Variants in POC5 observed in about 807,000 individuals in gnomAD.
POC5 encodes the protein centrosomal protein POC5.
In POC5, 48 loss-of-function variants were observed where a neutral mutation model predicts 62.9. The observed-to-expected ratio is 0.76, with a 90% CI of 0.61 to 0.97. The LOEUF (loss-of-function observed/expected upper bound fraction) is 0.97. Ranked by LOEUF, POC5 falls within the 50% of genes least tolerant of loss-of-function variation. The pLI, the probability that POC5 is intolerant of heterozygous loss-of-function variation, is 0.00. For synonymous variants in POC5, 236 were observed against 228.2 expected, an observed-to-expected ratio of 1.03 and a Z score of -0.31; for missense variants, 696 against 679.5, an observed-to-expected ratio of 1.02 and a Z score of -0.27.
intron 11 of POC5, 155 bp downstream of exon 11, chr5:75,677,619 A>G (rs930515126): frequency 4.8e-6 from 2 of 414,036 alleles, no homozygotes; most frequent in African/African-American, 5.8e-5. Flanking sequence ...AAGTATATAT[A>G]TTAAAAAAAA....
rs534385850 is a variant in POC5 at position 75,684,931 on chromosome 5, G to A, written c.1407+276C>T. Among the ~76,000 whole-genome samples, 30 of 149,612 alleles carry A rather than the reference G, an allele frequency of 2.0e-4. 1 individual carries two copies. In the South Asian group the frequency reaches 2.5e-3, roughly 13 times the overall value. Reference sequence around the variant, plus strand: ...TGCCCAGGCTGGAGTGCAGTGGCGCGATCTCGGCTCACTGCAAGCTCTGTC... The same window carrying A: ...TGCCCAGGCTGGAGTGCAGTGGCGCAATCTCGGCTCACTGCAAGCTCTGTC... On this transcript the variant is annotated intron_variant, in intron 10 of 11. Transcript: ENST00000428202.
intron 3 of POC5, among the ~76,000 whole-genome samples, chr5:75,706,582 T>C (rs78411562): frequency 4.0e-5 from 6 of 151,704 alleles, no homozygotes; most frequent in African/African-American, 1.5e-4. Flanking sequence ...TTTTTTTTTT[T>C]AAACAGAGTC....
At chr5:75,715,638 G>A (rs1271977093) in intron 1 of POC5, among the ~76,000 whole-genome samples, 1 of 152,138 alleles carries the variant, frequency 6.6e-6, no homozygotes, top group Non-Finnish European at 1.5e-5. Context: ...GGGGACACAA[G>A]ACCTAACCAT....
rs776233538 is a variant in POC5, at chr5:75,690,344, T to C, written c.975+39A>G. The stretch of plus-strand genomic sequence containing the variant: ...ATAGTGAGTCTATCTATCTTTTTAT[T>C]GTATTAGAAGAAAGTGAAAACCAGA... On this transcript the variant is annotated intron_variant, in intron 8 of 11. Transcript: ENST00000428202. 8 of 1,514,898 alleles carry C rather than the reference T, an allele frequency of 5.3e-6. No homozygotes were observed. The Admixed American group carries it at 1.4e-4, about 26-fold the overall frequency. The allele number at this position is 1,514,898 out of a possible 1,614,324, so 93.8% of individuals were successfully genotyped here. A position where few individuals can be genotyped will look rare whatever the true frequency, so the allele number is the denominator to read the frequency against.
chr5:75,709,050 C>T (rs1296524502), intron 2 of POC5, among the ~76,000 whole-genome samples: 2 of 152,150 alleles, frequency 1.3e-5, no homozygotes, highest in Non-Finnish European at 2.9e-5. Flanking sequence ...TCAGGCTGGT[C>T]TTGAACTCCT....
Position 75,705,606 on chromosome 5 carries a change from A to C in POC5, c.307+98T>G, listed in dbSNP as rs540588642. The C allele has an allele frequency of 6.0e-5, 41 of 688,572 alleles. No individual in the cohort carries two copies. In the African/African-American group the frequency reaches 7.2e-4, roughly 12 times the overall value. The allele number at this position is 688,572 out of a possible 1,614,324, so 42.7% of individuals were successfully genotyped here. ...ATAGCATTTTAAAATCCTGCTAATAAATAATATGCTGAAATTATTCCTCTT... is the reference window on the plus strand; with the variant it reads ...ATAGCATTTTAAAATCCTGCTAATACATAATATGCTGAAATTATTCCTCTT... On this transcript the variant is annotated intron_variant, in intron 4 of 11. Transcript: ENST00000428202.
At chr5:75,698,010 A>G (rs988991235) in intron 5 of POC5, among the ~76,000 whole-genome samples, 1 of 144,322 alleles carries the variant, frequency 6.9e-6, no homozygotes, top group African/African-American at 2.5e-5. Flanking sequence ...TTCAACAAGA[A>G]GAGCTAACTA....
At chr5:75,705,668 G>T (rs776324635) in intron 4 of POC5, 36 bp downstream of exon 4, 1 of 1,265,180 alleles carries the variant, frequency 7.9e-7, no homozygotes, top group Non-Finnish European at 1.1e-6. Context: ...ACAAAATGTT[G>T]TATATTAATA....
At chr5:75,702,085 T>A (rs1315324230) in intron 5 of POC5, among the ~76,000 whole-genome samples, 1 of 151,692 alleles carries the variant, frequency 6.6e-6, no homozygotes, top group East Asian at 1.9e-4. Flanking sequence ...TCTGAACCAG[T>A]AGCAACACCT....
At position 75,702,670 on chromosome 5, in the gene POC5, G is replaced by C; in HGVS notation, c.448C>G (p.Leu150Val). The C allele has an allele frequency of 1.2e-6, 2 of 1,612,722 alleles. No individual in the cohort carries two copies. The highest frequency in any genetic ancestry group is 1.7e-6 in the Non-Finnish European group (2 of 1,179,362). Residue 150 changes from leucine (L) to valine (V), a missense_variant, in exon 5 of 12, where the codon CTT becomes GTT. Leu to Val is a conservative substitution (Grantham distance 32, BLOSUM62 1). Coordinates refer to ENST00000428202, the MANE Select transcript of POC5 (RefSeq NM_001099271.2). ...TTCTGAAGGTTTTCATCAGAAACAA[G>C]AAAATCGCTCACAAGTATTTCATGG... ...DAHEILVSDF[L>V]VSDENLQKME...
intron 10 of POC5, among the ~76,000 whole-genome samples, chr5:75,678,437 C>T (rs1183564706): frequency 3.9e-5 from 6 of 152,108 alleles, no homozygotes; most frequent in East Asian, 1.9e-4. Context: ...AGATCTCCCT[C>T]GTGCCACCCT....
At chr5:75,704,510 A>G (rs547261805) in intron 4 of POC5, among the ~76,000 whole-genome samples, 2 of 152,344 alleles carry the variant, frequency 1.3e-5, no homozygotes, top group South Asian at 2.1e-4. Context: ...ATGAAATGCT[A>G]TCTGCATGTT....
At chr5:75,677,595 G>C (rs1267315992) in intron 11 of POC5, 179 bp downstream of exon 11, 1 of 372,082 alleles carries the variant, frequency 2.7e-6, no homozygotes, top group Non-Finnish European at 4.6e-6. Context: ...ATTTATAGCA[G>C]GTTTGAGAAA....
intron 9 of POC5, among the ~76,000 whole-genome samples, chr5:75,688,202 C>T (rs965802852): frequency 9.9e-5 from 15 of 152,160 alleles, no homozygotes; most frequent in African/African-American, 2.7e-4. Flanking sequence ...AATCTTGAGA[C>T]GTTGACTTGA....
chr5:75,712,493 T>G, intron 2 of POC5: 1 of 1,523,806 alleles, frequency 6.6e-7, no homozygotes, highest in Non-Finnish European at 9.1e-7. Flanking sequence ...CTCTAGAACT[T>G]TGGATGGTTT....
intron 5 of POC5, among the ~76,000 whole-genome samples, chr5:75,700,036 G>A (rs939871865): frequency 1.3e-5 from 2 of 151,690 alleles, no homozygotes; most frequent in African/African-American, 4.8e-5. Flanking sequence ...TCTTCAAGGA[G>A]AACTACAGAC....
intron 10 of POC5, among the ~76,000 whole-genome samples, chr5:75,678,278 T>C (rs1408166383): frequency 1.2e-4 from 19 of 152,132 alleles, no homozygotes; most frequent in Non-Finnish European, 1.3e-4. Flanking sequence ...TTTCCTGCCA[T>C]GGTTACATCT....
chr5:75,686,277 G>A (rs1251854696), intron 9 of POC5, among the ~76,000 whole-genome samples: 1 of 152,152 alleles, frequency 6.6e-6, no homozygotes, highest in Non-Finnish European at 1.5e-5. Flanking sequence ...TATCTGTGTG[G>A]TATCAAACAG....
intron 3 of POC5, among the ~76,000 whole-genome samples, chr5:75,706,954 C>G (rs1457938958): frequency 6.6e-6 from 1 of 152,206 alleles, no homozygotes; most frequent in Non-Finnish European, 1.5e-5. Flanking sequence ...TGAGAGACAA[C>G]AGACACTAGA....
Sources: gnomAD v4.1 joint callset for allele counts (sites outside exome capture counted in the v4.1 genomes callset) on GRCh38, gnomAD v4.1.1 for gene constraint, MANE v1.5 for transcripts, NCBI Gene and HGNC (gene_info 2026-07-23, HGNC 2026-07-21) for gene names.